PPM1E: variants seen among roughly 807,000 people sequenced by gnomAD.
PPM1E encodes the protein protein phosphatase, Mg2+/Mn2+ dependent 1E.
Under a neutral mutation model 65.9 loss-of-function variants are expected in PPM1E, and 20 were observed. The ratio of observed to expected loss-of-function variants is 0.30; its 90% confidence interval spans 0.21 to 0.44. The LOEUF (loss-of-function observed/expected upper bound fraction) is 0.44, where lower values mean the gene tolerates loss of function less well. Ranked by LOEUF, PPM1E falls within the 20% of genes least tolerant of loss-of-function variation. The pLI is 1.00. For synonymous variants in PPM1E, 352 were observed against 374.9 expected (o/e 0.94, Z 0.70); for missense variants, 713 against 953.1 (o/e 0.75, Z 3.32).
intron 1 of PPM1E, among the ~76,000 whole-genome samples, chr17:58,895,330 G>A (rs1198522843): frequency 6.6e-6 from 1 of 152,150 alleles, no homozygotes; most frequent in East Asian, 1.9e-4. Flanking sequence ...ACGTTCAAGT[G>A]AAAGGAAAAG....
intron 1 of PPM1E, among the ~76,000 whole-genome samples, chr17:58,907,399 AT>A (rs146445152): frequency 0.37 from 56,567 of 151,638 alleles, 10,700 homozygotes; most frequent in Middle Eastern, 0.51. Flanking sequence ...TGCATGTTTT[AT>A]GGCCCAGAAT....
chr17:58,816,831 T>A (rs1203229212), intron 1 of PPM1E, among the ~76,000 whole-genome samples: 3 of 137,964 alleles, frequency 2.2e-5, no homozygotes, highest in African/African-American at 5.4e-5. Context: ...GGTCTTACTC[T>A]GTCAGCCAGG....
At chr17:58,856,030 A>G (rs1353193986) in intron 1 of PPM1E, among the ~76,000 whole-genome samples, 1 of 152,238 alleles carries the variant, frequency 6.6e-6, no homozygotes, top group East Asian at 1.9e-4. Flanking sequence ...TAATATGGTC[A>G]TGGAAATTGA....
intron 3 of PPM1E, among the ~76,000 whole-genome samples, chr17:58,968,391 C>T (rs906530854): frequency 6.6e-6 from 1 of 152,054 alleles, no homozygotes; most frequent in African/African-American, 2.4e-5. Flanking sequence ...TGCCACTGTA[C>T]CCTAGCCTGG....
At chr17:58,819,640 G>A (rs1311527758) in intron 1 of PPM1E, among the ~76,000 whole-genome samples, 3 of 152,188 alleles carry the variant, frequency 2.0e-5, no homozygotes, top group Non-Finnish European at 1.5e-5. Flanking sequence ...TTCTGGGGAG[G>A]CCTCAGGAAA....
intron 1 of PPM1E, among the ~76,000 whole-genome samples, chr17:58,880,348 T>TA (rs1251680456): frequency 1.3e-5 from 2 of 152,196 alleles, no homozygotes; most frequent in Non-Finnish European, 2.9e-5. Flanking sequence ...GGTATATTTT[T>TA]AACTCCTTCA....
intron 1 of PPM1E, among the ~76,000 whole-genome samples, chr17:58,772,151 CT>C (rs2049945164): frequency 6.6e-6 from 1 of 151,948 alleles, no homozygotes; most frequent in African/African-American, 2.4e-5. Flanking sequence ...GTACAGTATA[CT>C]GATTAGAGTT....
chr17:58,942,006 A>C (rs1027072791), intron 1 of PPM1E, among the ~76,000 whole-genome samples: 1 of 122,580 alleles, frequency 8.2e-6, no homozygotes, highest in Non-Finnish European at 1.6e-5. Flanking sequence ...ACTTCGTCTC[A>C]AAAAAAAAAA....
At chr17:58,757,705 A>G (rs1044258728) in intron 1 of PPM1E, among the ~76,000 whole-genome samples, 1 of 152,248 alleles carries the variant, frequency 6.6e-6, no homozygotes, top group African/African-American at 2.4e-5. Context: ...TTAAAGCAGC[A>G]GTTTATCAAT....
At chr17:58,852,961 T>C (rs1181321284) in intron 1 of PPM1E, among the ~76,000 whole-genome samples, 1 of 152,162 alleles carries the variant, frequency 6.6e-6, no homozygotes, top group South Asian at 2.1e-4. Context: ...CACTTTTTAA[T>C]TGGGTGGTTT....
intron 1 of PPM1E, among the ~76,000 whole-genome samples, chr17:58,832,214 T>C (rs1356482991): frequency 6.6e-6 from 1 of 152,210 alleles, no homozygotes; most frequent in Non-Finnish European, 1.5e-5. Flanking sequence ...CAGAAAATAC[T>C]GTTTCAAATT....
intron 1 of PPM1E, among the ~76,000 whole-genome samples, chr17:58,842,287 T>C (rs976420394): frequency 6.6e-6 from 1 of 152,142 alleles, no homozygotes; most frequent in Non-Finnish European, 1.5e-5. Context: ...GTAAACGTAA[T>C]ATAGTGGCAT....
chr17:58,787,093 C>G (rs969379865), intron 1 of PPM1E, among the ~76,000 whole-genome samples: 2 of 152,130 alleles, frequency 1.3e-5, no homozygotes, highest in African/African-American at 2.4e-5. Flanking sequence ...GGCAATGTGC[C>G]AAATAGTTGT....
intron 5 of PPM1E, 76 bp from the exon 6 acceptor site, chr17:58,972,756 C>A: frequency 7.8e-7 from 1 of 1,277,730 alleles, no homozygotes; most frequent in Non-Finnish European, 1.1e-6. Context: ...AGTATTATAT[C>A]TGTTGTTTAC....
At chr17:58,957,241 A>G (rs1315625975) in intron 2 of PPM1E, among the ~76,000 whole-genome samples, 1 of 151,926 alleles carries the variant, frequency 6.6e-6, no homozygotes, top group Non-Finnish European at 1.5e-5. Flanking sequence ...TCCCTTTATT[A>G]TTTTATTTTT....
intron 1 of PPM1E, among the ~76,000 whole-genome samples, chr17:58,887,162 C>CTTTTTTT (rs71143300): frequency 3.0e-4 from 33 of 111,694 alleles, no homozygotes; most frequent in Non-Finnish European, 4.1e-4. Flanking sequence ...AGGCCTTCTT[C>CTTTTTTT]TTTTTTTTTT....
At chr17:58,764,062 T>C (rs1381074959) in intron 1 of PPM1E, among the ~76,000 whole-genome samples, 1 of 152,022 alleles carries the variant, frequency 6.6e-6, no homozygotes, top group African/African-American at 2.4e-5. Flanking sequence ...TTTAACTCAA[T>C]ATATCCAAAA....
chr17:58,896,267 A>G (rs1447284619), intron 1 of PPM1E, among the ~76,000 whole-genome samples: 1 of 152,142 alleles, frequency 6.6e-6, no homozygotes, highest in African/African-American at 2.4e-5. Flanking sequence ...CTTCAATTGT[A>G]CAAAGTATGA....
chr17:58,867,896 A>G (rs2051023567), intron 1 of PPM1E, among the ~76,000 whole-genome samples: 1 of 152,110 alleles, frequency 6.6e-6, no homozygotes, highest in Admixed American at 6.6e-5. Flanking sequence ...CCTAACTGAA[A>G]AACTATAGGT....
Sources: allele counts gnomAD v4.1 joint callset (sites outside exome capture counted in the v4.1 genomes callset), GRCh38; gene constraint gnomAD v4.1.1; transcripts MANE v1.5; gene names NCBI Gene and HGNC (gene_info 2026-07-23, HGNC 2026-07-21).